Variants in PCDH15 observed in about 807,000 individuals in gnomAD.
PCDH15 encodes protocadherin related 15, also known as protocadherin-15.
PCDH15 carries 129 observed loss-of-function variants against 178.5 expected under a neutral mutation model. The observed-to-expected ratio is 0.72, with a 90% confidence interval of 0.63 to 0.84. The LOEUF (loss-of-function observed/expected upper bound fraction) is 0.84, where lower values mean the gene tolerates loss of function less well. Ranked by LOEUF, PCDH15 falls within the 40% of genes least tolerant of loss-of-function variation. PCDH15 has a pLI of 0.00. For missense variants in PCDH15, 2,230 were observed against 2,099.9 expected, an observed-to-expected ratio of 1.06 and a Z score of -1.21; for synonymous variants, 800 against 732.0, an observed-to-expected ratio of 1.09 and a Z score of -1.50.
intron 21 of PCDH15, among the ~76,000 whole-genome samples, chr10:53,984,629 A>C (rs1489441163): frequency 6.6e-6 from 1 of 152,182 alleles, no homozygotes; most frequent in African/African-American, 2.4e-5. Flanking sequence ...TTGGATCTCA[A>C]GGGCACAGAT....
chr10:54,252,787 T>TA (rs2056596117), intron 8 of PCDH15, among the ~76,000 whole-genome samples: 1 of 151,986 alleles, frequency 6.6e-6, no homozygotes, highest in Non-Finnish European at 1.5e-5. Context: ...TTTTTTTTTT[T>TA]AAAGTAACAT....
At chr10:54,837,897 T>C (rs1953345265) in intron 3 of PCDH15, among the ~76,000 whole-genome samples, 2 of 152,142 alleles carry the variant, frequency 1.3e-5, no homozygotes, top group South Asian at 4.1e-4. Context: ...CATCTCATTG[T>C]GGAGGGCCAA....
At chr10:54,092,410 T>C (rs942864436) in intron 15 of PCDH15, among the ~76,000 whole-genome samples, 1 of 152,128 alleles carries the variant, frequency 6.6e-6, no homozygotes, top group Admixed American at 6.6e-5. Context: ...TTTTATTTCT[T>C]TGGGGTAAAG....
intron 2 of PCDH15, among the ~76,000 whole-genome samples, chr10:54,589,698 T>C (rs1481105154): frequency 1.3e-5 from 2 of 152,120 alleles, no homozygotes; most frequent in African/African-American, 4.8e-5. Context: ...GCTCCCGGGT[T>C]CACACCATTC....
chr10:54,228,148 T>G (rs1381567792), intron 9 of PCDH15, among the ~76,000 whole-genome samples: 1 of 152,170 alleles, frequency 6.6e-6, no homozygotes, highest in Admixed American at 6.5e-5. Context: ...TTTACTGTAT[T>G]AGTTCATTTT....
Position 53,817,995 on chromosome 10 carries a change from C to T in PCDH15, c.4452G>A (p.Glu1484=). ...GACATCAACACCATAAAGCCCTTAC[C>T]TCTGATCCATAACCTCTCCTGCAAG... The part of the protein sequence containing the change: ...RTLTRRGYGS[E]QQQLLRPSLL... Residue 1484 remains glutamate, a splice_region_variant and synonymous_variant, in exon 34 of 38, where the codon GAG becomes GAA. Transcript: ENST00000644397. The T allele has an allele frequency of 2.5e-6, 1 of 398,656 alleles. No individual in the cohort carries two copies. 24.7% of individuals were successfully genotyped at this position (398,656 alleles called of 1,614,324 possible).
chr10:54,364,050 T>C (rs1305456317), intron 5 of PCDH15, among the ~76,000 whole-genome samples: 1 of 151,888 alleles, frequency 6.6e-6, no homozygotes, highest in Non-Finnish European at 1.5e-5. Context: ...CCATCTCTAC[T>C]AAAAATACAA....
At chr10:55,546,418 C>T (rs368478282) in intron 2 of PCDH15, among the ~76,000 whole-genome samples, 12 of 151,968 alleles carry the variant, frequency 7.9e-5, no homozygotes, top group African/African-American at 1.7e-4. Context: ...CTGTTTTTAA[C>T]GAGTATATAT....
chr10:54,420,425 G>A (rs1053993193), intron 3 of PCDH15, among the ~76,000 whole-genome samples: 1 of 152,070 alleles, frequency 6.6e-6, no homozygotes, highest in Non-Finnish European at 1.5e-5. Context: ...CGGAGCTCAT[G>A]ATGATTGAGG....
At chr10:54,260,395 T>A (rs1305843317) in intron 8 of PCDH15, among the ~76,000 whole-genome samples, 1 of 151,360 alleles carries the variant, frequency 6.6e-6, no homozygotes, top group Non-Finnish European at 1.5e-5. Flanking sequence ...TATGCTAGTT[T>A]AAAAAAATTT....
intron 2 of PCDH15, among the ~76,000 whole-genome samples, chr10:55,362,066 A>G (rs1440444572): frequency 6.6e-6 from 1 of 152,076 alleles, no homozygotes; most frequent in Non-Finnish European, 1.5e-5. Context: ...TTAGATGCTT[A>G]TATCATCTGT....
chr10:55,532,918 G>T (rs1841485651), intron 2 of PCDH15, among the ~76,000 whole-genome samples: 1 of 152,018 alleles, frequency 6.6e-6, no homozygotes, highest in African/African-American at 2.4e-5. Context: ...TTGATCATGA[G>T]CTTTCAGGAA....
chr10:54,476,357 T>C (rs1282337841), intron 3 of PCDH15, among the ~76,000 whole-genome samples: 1 of 152,038 alleles, frequency 6.6e-6, no homozygotes, highest in African/African-American at 2.4e-5. Context: ...ATCTCTGTAT[T>C]TTGAAATCAA....
rs1410488057 is a variant in PCDH15, at chr10:55,548,227, C to A, written c.-156+79398G>T. Among the ~76,000 whole-genome samples the A allele has an allele frequency of 2.0e-5, 3 of 151,146 alleles. No homozygotes were observed. The East Asian group carries it at 5.9e-4, about 30-fold the overall frequency. On this transcript the variant is annotated intron_variant, in intron 2 of 5. Transcript: ENST00000613346. Reference sequence around the variant, plus strand: ...TGCCTAATGCACACACACACACACACACACACACACACACACACACACACA... The same window carrying A: ...TGCCTAATGCACACACACACACACAAACACACACACACACACACACACACA...
chr10:53,953,992 G>A lies in PCDH15; in HGVS notation c.3122+5740C>T, dbSNP rs181601235. 7.0e-3 allele frequency among the ~76,000 whole-genome samples: 1,061 copies of A among 152,086 alleles called. 14 individuals are homozygous for A. Among genetic ancestry groups the A allele is most frequent in the African/African-American group, 0.021 (873 of 41,514 alleles). Reference sequence around the variant, plus strand: ...TTTTTAGTAGAGACAGGGTTTCACCGTGTTAGCCAGGATGGTCTCAATCTC... The same window carrying A: ...TTTTTAGTAGAGACAGGGTTTCACCATGTTAGCCAGGATGGTCTCAATCTC... On this transcript the variant is annotated intron_variant, in intron 23 of 37. Transcript: ENST00000644397.
chr10:53,992,141 G>T (rs553507663), intron 21 of PCDH15, among the ~76,000 whole-genome samples: 1 of 152,174 alleles, frequency 6.6e-6, no homozygotes, highest in Non-Finnish European at 1.5e-5. Context: ...ACTCTGGACG[G>T]GAGGAAGGAA....
At chr10:55,358,264 T>A (rs1845129093) in intron 2 of PCDH15, among the ~76,000 whole-genome samples, 1 of 152,178 alleles carries the variant, frequency 6.6e-6, no homozygotes, top group Non-Finnish European at 1.5e-5. Context: ...ATTTGCATTA[T>A]TTGATTCAGG....
chr10:54,656,201 A>G (rs138261659), intron 2 of PCDH15: 1 of 152,250 alleles, frequency 6.6e-6, no homozygotes, highest in African/African-American at 2.4e-5. Context: ...GGTGAATGGT[A>G]ATGATCTGAA....
chr10:55,016,096 TTTAAA>T (rs67233679), intron 2 of PCDH15, among the ~76,000 whole-genome samples: 7,915 of 70,962 alleles, frequency 0.11, 281 homozygotes, highest in African/African-American at 0.25. Flanking sequence ...ACCTTTTTTT[TTTAAA>T]AAAAAAAAAA....
Sources: allele counts gnomAD v4.1 joint callset (sites outside exome capture counted in the v4.1 genomes callset), GRCh38; gene constraint gnomAD v4.1.1; transcripts MANE v1.5; gene names NCBI Gene and HGNC (gene_info 2026-07-23, HGNC 2026-07-21).